The following SPTBN1 variants were observed in gnomAD, a reference collection of about 807,000 sequenced individuals.
The protein encoded by SPTBN1 is spectrin beta chain, non-erythrocytic 1.
Under a neutral mutation model 266.4 loss-of-function variants are expected in SPTBN1, and 32 were observed. The observed-to-expected ratio is 0.12, with a 90% CI of 0.09 to 0.16. The LOEUF (loss-of-function observed/expected upper bound fraction) is 0.16, where lower values mean the gene tolerates loss of function less well. SPTBN1 is among the 10% of genes least tolerant of loss of function. The probability of loss-of-function intolerance (pLI) is 1.00; values close to 1 mark genes in which losing one functional copy is unlikely to be tolerated. For missense variants in SPTBN1, 2,296 were observed against 3,067.1 expected, an observed-to-expected ratio of 0.75 and a Z score of 5.94; for synonymous variants, 1,336 against 1,162.2, an observed-to-expected ratio of 1.15 and a Z score of -3.04.
At chr2:54,532,011 C>T (rs892620794) in intron 2 of SPTBN1, among the ~76,000 whole-genome samples, 1 of 152,052 alleles carries the variant, frequency 6.6e-6, no homozygotes, top group East Asian at 1.9e-4. Flanking sequence ...TTAGAATTGC[C>T]GGGCGCAGTG....
At chr2:54,661,360 C>T (rs2941587) in intron 32 of SPTBN1, 728,978 of 985,746 alleles carry the variant, frequency 0.74, 271,075 homozygotes, top group African/African-American at 0.94. Flanking sequence ...TTAGATGTGT[C>T]AGTGGAATCA....
chr2:54,529,700 A>C, intron 2 of SPTBN1: 1 of 716,974 alleles, frequency 1.4e-6, no homozygotes, highest in Non-Finnish European at 2.6e-6. Context: ...GCTCTGTGAC[A>C]TTGATGGGGC....
At chr2:54,648,532 G>C (rs1162958376) in intron 24 of SPTBN1, among the ~76,000 whole-genome samples, 1 of 152,344 alleles carries the variant, frequency 6.6e-6, no homozygotes, top group Non-Finnish European at 1.5e-5. Flanking sequence ...CATGGTACCA[G>C]AGAATGCAAG....
intron 15 of SPTBN1, 141 bp downstream of exon 15, chr2:54,630,170 C>A: frequency 1.8e-6 from 2 of 1,123,004 alleles, no homozygotes; most frequent in East Asian, 2.6e-5. Context: ...TTGGCACCTG[C>A]CTTTTGACAT....
In SPTBN1 at chr2:54,655,953, G is replaced by A; in HGVS notation, c.6001G>A (p.Glu2001Lys). The change falls in exon 29 of 36, where the codon GAA (glutamate) becomes AAA (lysine). Residue 2001 changes from glutamate to lysine, a missense_variant. By Grantham distance (56) the Glu-to-Lys change is moderately conservative (BLOSUM62 1). This residue lies in a region of SPTBN1 where 644 missense variants were observed against 745.3 expected (regional missense o/e 0.86). Coordinates refer to ENST00000356805, the MANE Select transcript of SPTBN1 (RefSeq NM_003128.3). ...ACTGCAGTTGACGGAAAAGAGGAAA[G>A]AAATGATCGACAAGTGGGAAGACCG... ...KLLQLTEKRK[E>K]MIDKWEDRWE... is the part of the protein sequence containing the mutation. 1 of 1,613,600 alleles carries A rather than the reference G, an allele frequency of 6.2e-7. No homozygotes were observed. The highest frequency in any genetic ancestry group is 8.5e-7 in the Non-Finnish European group (1 of 1,179,636).
intron 1 of SPTBN1, among the ~76,000 whole-genome samples, chr2:54,493,148 G>A (rs908673620): frequency 6.6e-6 from 1 of 151,604 alleles, no homozygotes; most frequent in Non-Finnish European, 1.5e-5. Context: ...TGGGACCACA[G>A]GCACACACCA....
chr2:54,490,574 A>G (rs1275533407), intron 1 of SPTBN1, among the ~76,000 whole-genome samples: 2 of 152,184 alleles, frequency 1.3e-5, no homozygotes, highest in African/African-American at 2.4e-5. Flanking sequence ...GTAATTGGCT[A>G]TCTTATTAAT....
chr2:54,612,948 G>A (rs1461054344), intron 4 of SPTBN1, among the ~76,000 whole-genome samples: 1 of 152,144 alleles, frequency 6.6e-6, no homozygotes, highest in Non-Finnish European at 1.5e-5. Context: ...ATTTTAAGCC[G>A]GAAGGTACTC....
At chr2:54,654,675 C>T (rs1680532313) in intron 27 of SPTBN1, among the ~76,000 whole-genome samples, 1 of 152,168 alleles carries the variant, frequency 6.6e-6, no homozygotes, top group South Asian at 2.1e-4. Flanking sequence ...TCTTTGACAG[C>T]TAACTCATCA....
At chr2:54,610,434 T>C (rs1677139104) in intron 3 of SPTBN1, among the ~76,000 whole-genome samples, 1 of 152,238 alleles carries the variant, frequency 6.6e-6, no homozygotes, top group South Asian at 2.1e-4. Context: ...TCATTATTTA[T>C]TTATTTATTT....
At chr2:54,460,610 C>T (rs1693315361) in intron 1 of SPTBN1, among the ~76,000 whole-genome samples, 3 of 152,198 alleles carry the variant, frequency 2.0e-5, no homozygotes, top group African/African-American at 7.2e-5. Context: ...CTGATATAGT[C>T]AATGTCCTGC....
intron 3 of SPTBN1, among the ~76,000 whole-genome samples, chr2:54,604,131 C>T (rs139903527): frequency 1.9e-4 from 29 of 152,302 alleles, no homozygotes; most frequent in African/African-American, 6.3e-4. Context: ...TCTCAGTGCC[C>T]GGGGCTGTGC....
In SPTBN1 at chr2:54,664,372, A is replaced by G. The variant is rs1681237040; in HGVS notation, c.6421-81A>G. ...CTGTGCCAGGCATTTATACACAGCC[A>G]CATGTGCGAGTCAGGTAGAGCGTAT... On this transcript the variant is annotated intron_variant, in intron 32 of 35. Transcript: ENST00000356805. This position sits in a 1 kb window ranked among gnomAD's most constrained non-coding sequence, Gnocchi z 5.6. 2.1e-6 allele frequency: 3 copies of G among 1,407,664 alleles called. No homozygotes were observed. The highest frequency in any genetic ancestry group is 3.0e-6 in the Non-Finnish European group (3 of 1,016,774). 87.2% of individuals were successfully genotyped at this position (1,407,664 alleles called of 1,614,324 possible).
At chr2:54,640,313 A>C (rs1177534016) in intron 18 of SPTBN1, among the ~76,000 whole-genome samples, 1 of 152,156 alleles carries the variant, frequency 6.6e-6, no homozygotes, top group African/African-American at 2.4e-5. Context: ...GGTATGGGGA[A>C]TCCAGGGGTT....
rs1680479221 is a variant in SPTBN1, at chr2:54,653,966, C to T, written c.5822+113C>T. On this transcript the variant is annotated intron_variant, in intron 27 of 35. Coordinates refer to ENST00000356805, the MANE Select transcript of SPTBN1 (RefSeq NM_003128.3). The surrounding 1 kb of genome is among the most constrained non-coding windows in gnomAD (Gnocchi z 5.1). ...GCGTTCCTGCCTGAGCGCTTCAAGG[C>T]CAGAGTGGGGGTGGGGCGGTGCTTG... 3 of 1,479,324 alleles carry T rather than the reference C, an allele frequency of 2.0e-6. No homozygotes were observed. In the African/African-American group the frequency reaches 4.3e-5, roughly 21 times the overall value. 91.6% of individuals were successfully genotyped at this position (1,479,324 alleles called of 1,614,324 possible). A position where few individuals can be genotyped will look rare whatever the true frequency, so the allele number is the denominator to read the frequency against.
intron 2 of SPTBN1, among the ~76,000 whole-genome samples, chr2:54,549,536 T>A (rs1573390378): frequency 6.6e-6 from 1 of 152,180 alleles, no homozygotes; most frequent in Non-Finnish European, 1.5e-5. Context: ...AAGCTGAGAA[T>A]GGAGTGTGCC....
chr2:54,586,805 C>T (rs1320840232), intron 2 of SPTBN1, among the ~76,000 whole-genome samples: 5 of 152,120 alleles, frequency 3.3e-5, no homozygotes, highest in African/African-American at 9.7e-5. Context: ...CTGTCAAGAA[C>T]GGCTGGAATT....
In SPTBN1 at chr2:54,466,883, A is replaced by G. The variant is rs943446825; in HGVS notation, c.-48+10365A>G. Among the ~76,000 whole-genome samples the G allele has an allele frequency of 2.0e-5, 3 of 152,236 alleles. No individual in the cohort carries two copies. In the South Asian group the frequency reaches 6.2e-4, roughly 32 times the overall value. ...TACGGAAAAGCAGTATTAATAATGAAGATATAAAGAACACTGAAATTTTTG... is the reference window on the plus strand; with the variant it reads ...TACGGAAAAGCAGTATTAATAATGAGGATATAAAGAACACTGAAATTTTTG... On this transcript the variant is annotated intron_variant, in intron 1 of 35. Coordinates refer to ENST00000356805, the MANE Select transcript of SPTBN1 (RefSeq NM_003128.3).
rs775456312 is a variant in SPTBN1, at chr2:54,646,486, G to T, written c.4866+11G>T. On this transcript the variant is annotated intron_variant, in intron 23 of 35. Coordinates refer to ENST00000356805, the MANE Select transcript of SPTBN1 (RefSeq NM_003128.3). This position sits in a 1 kb window ranked among gnomAD's most constrained non-coding sequence, Gnocchi z 4.4. ...GAGGAGAAGGCCAAGGTGAGAGGAG[G>T]CGGGAAGCATCCCTGTCCCAGGAGA... 5 of 1,463,902 alleles carry T rather than the reference G, an allele frequency of 3.4e-6. No homozygotes were observed. Among genetic ancestry groups the T allele is most frequent in the Non-Finnish European group, 4.6e-6 (5 of 1,098,744 alleles). 90.7% of individuals were successfully genotyped at this position (1,463,902 alleles called of 1,614,324 possible). A position where few individuals can be genotyped will look rare whatever the true frequency, so the allele number is the denominator to read the frequency against.
Sources: gnomAD v4.1 joint callset for allele counts (sites outside exome capture counted in the v4.1 genomes callset) on GRCh38, gnomAD v4.1.1 for gene constraint, gnomAD v4.1.1 regional missense constraint, Gnocchi (gnomAD v3.1) non-coding constraint, MANE v1.5 for transcripts, NCBI Gene and HGNC (gene_info 2026-07-23, HGNC 2026-07-21) for gene names.